GUCY1A2: variants seen among roughly 807,000 people sequenced by gnomAD.
GUCY1A2 encodes guanylate cyclase 1 soluble subunit alpha 2.
In GUCY1A2, 27 loss-of-function variants were observed where a neutral mutation model predicts 63.5. The ratio of observed to expected loss-of-function variants is 0.43; its 90% CI spans 0.31 to 0.59. The LOEUF (loss-of-function observed/expected upper bound fraction) is 0.59. GUCY1A2 is among the 20% of genes least tolerant of loss of function. The probability of loss-of-function intolerance (pLI) is 0.11; values close to 1 mark genes in which losing one functional copy is unlikely to be tolerated. For missense variants in GUCY1A2, 768 were observed against 913.3 expected, an observed-to-expected ratio of 0.84 and a Z score of 2.05; for synonymous variants, 364 against 343.5, an observed-to-expected ratio of 1.06 and a Z score of -0.66.
At chr11:106,818,042 C>A (rs1039016119) in intron 4 of GUCY1A2, among the ~76,000 whole-genome samples, 4 of 152,116 alleles carry the variant, frequency 2.6e-5, no homozygotes, top group African/African-American at 9.7e-5. Context: ...ACCCCATGTT[C>A]ACTGCAGCAT....
At chr11:106,880,331 T>C (rs1347125694) in intron 4 of GUCY1A2, among the ~76,000 whole-genome samples, 1 of 152,010 alleles carries the variant, frequency 6.6e-6, no homozygotes, top group East Asian at 1.9e-4. Flanking sequence ...GGTTAAATGA[T>C]GGTTGCCACG....
intron 4 of GUCY1A2, among the ~76,000 whole-genome samples, chr11:106,841,851 G>C (rs540806171): frequency 6.6e-6 from 1 of 151,928 alleles, no homozygotes; most frequent in South Asian, 2.1e-4. Flanking sequence ...CTTTCCATTA[G>C]AATTTTACTT....
At chr11:106,846,690 ATCTTTGCT>A (rs1377646699) in intron 4 of GUCY1A2, among the ~76,000 whole-genome samples, 1 of 151,616 alleles carries the variant, frequency 6.6e-6, no homozygotes, top group Admixed American at 6.6e-5. Context: ...CATTTCCTTC[ATCTTTGCT>A]TCTTATAATG....
At chr11:106,814,982 G>A (rs1049589338) in intron 4 of GUCY1A2, among the ~76,000 whole-genome samples, 1 of 152,008 alleles carries the variant, frequency 6.6e-6, no homozygotes, top group African/African-American at 2.4e-5. Context: ...TCAGATGTTG[G>A]AATTATCTGT....
At chr11:106,996,143 C>A (rs1036300981) in intron 1 of GUCY1A2, among the ~76,000 whole-genome samples, 1 of 152,100 alleles carries the variant, frequency 6.6e-6, no homozygotes, top group African/African-American at 2.4e-5. Context: ...GGGTTTCACT[C>A]CAGGCAAAGT....
At chr11:106,857,717 T>G (rs1158694788) in intron 4 of GUCY1A2, among the ~76,000 whole-genome samples, 1 of 152,202 alleles carries the variant, frequency 6.6e-6, no homozygotes, top group Non-Finnish European at 1.5e-5. Context: ...GTACTGAACA[T>G]AGATAGACTT....
At chr11:106,967,730 A>AGGAG (rs143647339) in intron 3 of GUCY1A2, among the ~76,000 whole-genome samples, 18 of 112,314 alleles carry the variant, frequency 1.6e-4, no homozygotes, top group East Asian at 9.2e-4. Flanking sequence ...AAGGGAGGAA[A>AGGAG]GGAGGGAGGG....
intron 6 of GUCY1A2, among the ~76,000 whole-genome samples, chr11:106,728,878 T>C (rs922007516): frequency 1.3e-5 from 2 of 152,172 alleles, no homozygotes; most frequent in African/African-American, 4.8e-5. Flanking sequence ...AAAATGCTCA[T>C]TTCCCTCTCC....
At chr11:106,890,587 C>T (rs1224359566) in intron 4 of GUCY1A2, among the ~76,000 whole-genome samples, 1 of 152,176 alleles carries the variant, frequency 6.6e-6, no homozygotes, top group Non-Finnish European at 1.5e-5. Context: ...ACCTGCCACA[C>T]TTACCAAAAT....
chr11:107,017,061 C>G (rs188492237), intron 1 of GUCY1A2, among the ~76,000 whole-genome samples: 1 of 151,990 alleles, frequency 6.6e-6, no homozygotes, highest in African/African-American at 2.4e-5. Context: ...AAAAAGAAAT[C>G]CAGACACCAG....
intron 4 of GUCY1A2, among the ~76,000 whole-genome samples, chr11:106,876,696 C>A (rs1192129342): frequency 6.6e-6 from 1 of 152,098 alleles, no homozygotes; most frequent in Non-Finnish European, 1.5e-5. Context: ...GTAACTTATA[C>A]CAGCCTGCTT....
chr11:106,870,629 G>C (rs769110057), intron 4 of GUCY1A2, among the ~76,000 whole-genome samples: 1 of 151,938 alleles, frequency 6.6e-6, no homozygotes, highest in Non-Finnish European at 1.5e-5. Flanking sequence ...TAATGGCTGC[G>C]TATGACCTTC....
intron 6 of GUCY1A2, among the ~76,000 whole-genome samples, chr11:106,741,752 G>A (rs564650937): frequency 6.6e-6 from 1 of 152,254 alleles, no homozygotes; most frequent in African/African-American, 2.4e-5. Flanking sequence ...ATGATGAGAA[G>A]ACAAATACAT....
chr11:106,978,347 A>C (rs998156563), intron 3 of GUCY1A2, among the ~76,000 whole-genome samples: 2 of 152,194 alleles, frequency 1.3e-5, no homozygotes, highest in African/African-American at 2.4e-5. Context: ...GATTATACAG[A>C]GCTAATACTA....
intron 4 of GUCY1A2, among the ~76,000 whole-genome samples, chr11:106,928,536 C>G (rs1031816970): frequency 3.3e-5 from 5 of 150,890 alleles, no homozygotes; most frequent in Non-Finnish European, 7.4e-5. Flanking sequence ...GAAAACGAAC[C>G]AAGATTATTG....
At chr11:106,884,432 G>A (rs988433462) in intron 4 of GUCY1A2, among the ~76,000 whole-genome samples, 1 of 152,092 alleles carries the variant, frequency 6.6e-6, no homozygotes, top group African/African-American at 2.4e-5. Flanking sequence ...AGCGAAAATA[G>A]CACGTACAAT....
rs1029967663 is a variant in GUCY1A2, at chr11:106,674,138, C to A, written c.*13411G>T. 4 of 182,422 alleles carry A rather than the reference C, an allele frequency of 2.2e-5. No homozygotes were observed. Among genetic ancestry groups the A allele is most frequent in the African/African-American group, 9.4e-5 (4 of 42,616 alleles). The allele number at this position is 182,422 out of a possible 1,614,324, so 11.3% of individuals were successfully genotyped here. A position where few individuals can be genotyped will look rare whatever the true frequency, so the allele number is the denominator to read the frequency against. On this transcript the variant is annotated 3_prime_UTR_variant, in exon 8 of 8. Transcript: ENST00000526355. ...TGTAATGAATTATGTAAATATAACACAGAACTATCATTTCCACTTTGTTTT... is the reference window on the plus strand; with the variant it reads ...TGTAATGAATTATGTAAATATAACAAAGAACTATCATTTCCACTTTGTTTT...
intron 6 of GUCY1A2, among the ~76,000 whole-genome samples, chr11:106,745,018 CTG>C (rs1863762982): frequency 6.6e-6 from 1 of 151,930 alleles, no homozygotes; most frequent in South Asian, 2.1e-4. Flanking sequence ...ATCTAAAACA[CTG>C]TTAATTATGA....
At chr11:106,920,472 A>T (rs543560313) in intron 4 of GUCY1A2, among the ~76,000 whole-genome samples, 2 of 152,140 alleles carry the variant, frequency 1.3e-5, no homozygotes, top group African/African-American at 4.8e-5. Flanking sequence ...CATTCCACCA[A>T]CTCAAAATTT....
Sources: gnomAD v4.1 joint callset for allele counts (sites outside exome capture counted in the v4.1 genomes callset) on GRCh38, gnomAD v4.1.1 for gene constraint, MANE v1.5 for transcripts, NCBI Gene and HGNC (gene_info 2026-07-23, HGNC 2026-07-21) for gene names.